The following PRDM1 variants were observed in gnomAD, a reference collection of about 807,000 sequenced individuals.
The protein encoded by PRDM1 is PR domain zinc finger protein 1.
PRDM1 carries 13 observed loss-of-function variants against 62.8 expected under a neutral mutation model. The ratio of observed to expected loss-of-function variants is 0.21; its 90% confidence interval spans 0.13 to 0.33. PRDM1 has a LOEUF of 0.33. Ranked by LOEUF, PRDM1 falls within the 10% of genes least tolerant of loss-of-function variation. The pLI, the probability that PRDM1 is intolerant of heterozygous loss-of-function variation, is 1.00. For missense variants in PRDM1, 895 were observed against 1,058.8 expected, an observed-to-expected ratio of 0.85 and a Z score of 2.15; for synonymous variants, 396 against 417.6, an observed-to-expected ratio of 0.95 and a Z score of 0.63.
At chr6:106,037,281 G>T (rs1470831284) in intron 1 of PRDM1, among the ~76,000 whole-genome samples, 3 of 152,040 alleles carry the variant, frequency 2.0e-5, no homozygotes, top group Non-Finnish European at 4.4e-5. Flanking sequence ...TCTCATTGAG[G>T]ATTTCTTGTA....
At chr6:106,036,434 AT>A (rs1348535637) in intron 1 of PRDM1, among the ~76,000 whole-genome samples, 2 of 152,122 alleles carry the variant, frequency 1.3e-5, no homozygotes, top group Non-Finnish European at 2.9e-5. Context: ...TAACTATTTA[AT>A]TTCTTTGTAT....
Position 106,107,728 on chromosome 6 carries a change from C to T in PRDM1, c.*242C>T, listed in dbSNP as rs1407328921. The T allele has an allele frequency of 1.3e-5, 3 of 222,808 alleles. No homozygotes were observed. The highest frequency in any genetic ancestry group is 2.3e-5 in the African/African-American group (1 of 43,978). 13.8% of individuals were successfully genotyped at this position (222,808 alleles called of 1,614,324 possible). Reference sequence around the variant, plus strand: ...TATACATATTATATATACTTATTTACACCTGTGTCTATATATTTGCCCCTG... The same window carrying T: ...TATACATATTATATATACTTATTTATACCTGTGTCTATATATTTGCCCCTG... On this transcript the variant is annotated 3_prime_UTR_variant, in exon 7 of 7. Transcript: ENST00000369096.
At chr6:106,063,142 A>C (rs933020826) in intron 1 of PRDM1, among the ~76,000 whole-genome samples, 13 of 152,172 alleles carry the variant, frequency 8.5e-5, no homozygotes. Flanking sequence ...AAACTAACTC[A>C]ACACCTCCTT....
intron 1 of PRDM1, among the ~76,000 whole-genome samples, chr6:106,042,676 T>C (rs1232429888): frequency 6.6e-6 from 1 of 152,204 alleles, no homozygotes; most frequent in Non-Finnish European, 1.5e-5. Flanking sequence ...AATTCTTCTC[T>C]TATCATGGGC....
At chr6:106,060,430 T>C (rs1480678260) in intron 1 of PRDM1, among the ~76,000 whole-genome samples, 12 of 152,282 alleles carry the variant, frequency 7.9e-5, no homozygotes, top group Admixed American at 7.2e-4. Flanking sequence ...GAAAGCTTGA[T>C]TGCAGAGCAT....
intron 1 of PRDM1, among the ~76,000 whole-genome samples, chr6:106,039,124 C>T (rs1374511652): frequency 6.6e-6 from 1 of 152,078 alleles, no homozygotes; most frequent in Non-Finnish European, 1.5e-5. Context: ...CTTTCTTGTT[C>T]ACACTCTTTA....
At chr6:106,093,147 G>A (rs1212217564) in intron 2 of PRDM1, among the ~76,000 whole-genome samples, 8 of 152,152 alleles carry the variant, frequency 5.3e-5, no homozygotes, top group Non-Finnish European at 4.4e-5. Context: ...GCTACTTCCG[G>A]TGCTGCTTTA....
upstream of PRDM1, among the ~76,000 whole-genome samples, chr6:106,082,539 G>T (rs1251005395): frequency 1.3e-5 from 2 of 152,186 alleles, no homozygotes; most frequent in African/African-American, 4.8e-5. Flanking sequence ...GGCTAAAAAA[G>T]ATATTAATAC....
At position 106,086,507 on chromosome 6, in the gene PRDM1, C is replaced by G. The variant is rs2114614216; in HGVS notation, c.-47C>G. 6.5e-7 allele frequency: 1 copy of G among 1,531,304 alleles called. No homozygotes were observed. Among genetic ancestry groups the G allele is most frequent in the Non-Finnish European group, 8.8e-7 (1 of 1,131,358 alleles). 94.9% of individuals were successfully genotyped at this position (1,531,304 alleles called of 1,614,324 possible). A position where few individuals can be genotyped will look rare whatever the true frequency, so the allele number is the denominator to read the frequency against. ...CTGTGCGGCTCAGCCTGGCGGGGGACGCGGGGAGAATGTGGACTGGGTAGA... is the reference window on the plus strand; with the variant it reads ...CTGTGCGGCTCAGCCTGGCGGGGGAGGCGGGGAGAATGTGGACTGGGTAGA... On this transcript the variant is annotated 5_prime_UTR_variant, in exon 1 of 7. Coordinates refer to ENST00000369096, the MANE Select transcript of PRDM1 (RefSeq NM_001198.4).
upstream of PRDM1, chr6:106,045,475 TA>T (rs1682431160): frequency 6.6e-6 from 1 of 152,244 alleles, no homozygotes; most frequent in African/African-American, 2.4e-5. Context: ...CAAAACAGCA[TA>T]TTTTAAAGCA....
rs1048000729 is a variant in PRDM1, at chr6:106,015,121, G to A, written c.-67+21482G>A. The stretch of plus-strand genomic sequence containing the variant: ...GATAACTCAAAGGTGGGGAGGTTGC[G>A]TTTCTTCCTTTCTTTTACAAGGTGG... On this transcript the variant is annotated intron_variant, in intron 1 of 6. Transcript: ENST00000652320. 5.3e-5 allele frequency among the ~76,000 whole-genome samples: 8 copies of A among 152,216 alleles called. No individual in the cohort carries two copies. In the South Asian group the frequency reaches 8.3e-4, roughly 16 times the overall value.
rs2114650424 is a variant in PRDM1 at position 106,104,938 on chromosome 6, C to A, written c.778C>A (p.Pro260Thr). 2.5e-6 allele frequency: 4 copies of A among 1,614,094 alleles called. No homozygotes were observed. The highest frequency in any genetic ancestry group is 1.6e-4 in the Middle Eastern group (1 of 6,062). ...AGAAATCCTAAAATTGGACTCCAAC[C>A]CCTCCAAAGGAAAGGACCTCTACCG... is the stretch of plus-strand genomic sequence containing the variant. ...VKEILKLDSN[P>T]SKGKDLYRSN... is the part of the protein sequence containing the mutation. The change falls in exon 5 of 7, where the codon CCC becomes ACC. Residue 260 changes from proline (P) to threonine (T), a missense_variant. Pro to Thr is a conservative substitution (Grantham distance 38). Around this residue, in one of 4 missense-constraint regions of PRDM1, gnomAD observed 444 missense variants for 422.7 expected, o/e 1.05. Transcript: ENST00000369096.
intron 1 of PRDM1, among the ~76,000 whole-genome samples, chr6:106,040,827 T>C (rs1772985128): frequency 1.3e-5 from 2 of 152,228 alleles, no homozygotes; most frequent in South Asian, 4.1e-4. Flanking sequence ...TTTTCTGTCA[T>C]TGTTTTGGAA....
intron 1 of PRDM1, among the ~76,000 whole-genome samples, chr6:106,024,977 C>T (rs1473668471): frequency 6.6e-6 from 1 of 151,842 alleles, no homozygotes; most frequent in East Asian, 1.9e-4. Flanking sequence ...ATTCACAAGT[C>T]GTGTGTCTGC....
chr6:106,090,940 T>C (rs1773944425), intron 2 of PRDM1, among the ~76,000 whole-genome samples: 1 of 152,092 alleles, frequency 6.6e-6, no homozygotes. Flanking sequence ...TTGACCCTCA[T>C]TTTTAGATTG....
At chr6:106,001,651 T>C (rs540826528) in intron 1 of PRDM1, among the ~76,000 whole-genome samples, 2 of 152,322 alleles carry the variant, frequency 1.3e-5, no homozygotes, top group South Asian at 4.1e-4. Flanking sequence ...GTTTTATGTA[T>C]ACTTGTGTAT....
At chr6:106,079,662 G>T (rs1179405958) in intron 1 of PRDM1, among the ~76,000 whole-genome samples, 1 of 152,134 alleles carries the variant, frequency 6.6e-6, no homozygotes, top group East Asian at 1.9e-4. Context: ...GCCAAGTGTG[G>T]TGGCACGTGC....
intron 1 of PRDM1, among the ~76,000 whole-genome samples, chr6:106,054,577 G>A (rs892469081): frequency 6.6e-6 from 1 of 152,106 alleles, no homozygotes; most frequent in East Asian, 1.9e-4. Context: ...TTTCTTTTGT[G>A]CTTTACAAAT....
rs1176607067 is a variant in PRDM1, at chr6:106,109,310, A to G, written c.*1824A>G. On this transcript the variant is annotated 3_prime_UTR_variant, in exon 7 of 7. Coordinates refer to ENST00000369096, the MANE Select transcript of PRDM1 (RefSeq NM_001198.4). ...AAGACAGCTCTATTTTTTTTTTGCC[A>G]CTTTATGATTATGTGGTCACACCCA... 4 of 232,032 alleles carry G rather than the reference A, an allele frequency of 1.7e-5. No individual in the cohort carries two copies. The highest frequency in any genetic ancestry group is 3.4e-5 in the Non-Finnish European group (4 of 117,388). The allele number at this position is 232,032 out of a possible 1,614,324, so 14.4% of individuals were successfully genotyped here. A position where few individuals can be genotyped will look rare whatever the true frequency, so the allele number is the denominator to read the frequency against.
Sources: gnomAD v4.1 joint callset for allele counts (sites outside exome capture counted in the v4.1 genomes callset) on GRCh38, gnomAD v4.1.1 for gene constraint, gnomAD v4.1.1 regional missense constraint, MANE v1.5 for transcripts, NCBI Gene and HGNC (gene_info 2026-07-23, HGNC 2026-07-21) for gene names.